The following ALK variants were observed in gnomAD, a reference collection of about 807,000 sequenced individuals.
The protein encoded by ALK is ALK tyrosine kinase receptor.
A neutral mutation model predicts 163.1 loss-of-function variants in ALK; 74 were observed. The ratio of observed to expected loss-of-function variants is 0.45; its 90% confidence interval spans 0.38 to 0.55. The LOEUF (loss-of-function observed/expected upper bound fraction) is 0.55, where lower values mean the gene tolerates loss of function less well. Ranked by LOEUF, ALK falls within the 20% of genes least tolerant of loss-of-function variation. The probability of loss-of-function intolerance (pLI) is 0.00; values close to 1 mark genes in which losing one functional copy is unlikely to be tolerated. For synonymous variants in ALK, 960 were observed against 843.2 expected (o/e 1.14, Z -2.40); for missense variants, 2,063 against 2,105.3 (o/e 0.98, Z 0.39).
At chr2:29,277,192 G>T (rs1393531191) in intron 9 of ALK, among the ~76,000 whole-genome samples, 2 of 152,180 alleles carry the variant, frequency 1.3e-5, no homozygotes, top group African/African-American at 4.8e-5. Context: ...CAGAGGAAGA[G>T]ATATGGAAAG....
chr2:29,824,806 T>C (rs545302358), intron 1 of ALK, among the ~76,000 whole-genome samples: 6 of 152,290 alleles, frequency 3.9e-5, no homozygotes, highest in Admixed American at 1.3e-4. Context: ...CTGTGGACTT[T>C]TGAGTTAATG....
chr2:29,205,548 G>T (rs1376976179), intron 26 of ALK, among the ~76,000 whole-genome samples: 1 of 152,212 alleles, frequency 6.6e-6, no homozygotes, highest in Admixed American at 6.5e-5. Context: ...CAGCAGGGCT[G>T]TGTCCCTTCT....
In ALK at chr2:29,246,887, C is replaced by T. The variant is rs1252181379; in HGVS notation, c.2204+4218G>A. ...TGCTTTCACCAGGGGGAGCGAGAGGCCTTTTGGGGGGTAACACTGCAGCCC... is the reference window on the plus strand; with the variant it reads ...TGCTTTCACCAGGGGGAGCGAGAGGTCTTTTGGGGGGTAACACTGCAGCCC... On this transcript the variant is annotated intron_variant, in intron 12 of 28. Coordinates refer to ENST00000389048, the MANE Select transcript of ALK (RefSeq NM_004304.5). The surrounding 1 kb of genome is among the most constrained non-coding windows in gnomAD (Gnocchi z 4.3). Among the ~76,000 whole-genome samples the T allele has an allele frequency of 6.6e-6, 1 of 152,204 alleles. No individual in the cohort carries two copies. Among genetic ancestry groups the T allele is most frequent in the Non-Finnish European group, 1.5e-5 (1 of 68,038 alleles).
chr2:29,544,434 A>T (rs1422211342), intron 3 of ALK, among the ~76,000 whole-genome samples: 1 of 152,146 alleles, frequency 6.6e-6, no homozygotes, highest in East Asian at 1.9e-4. Context: ...TATAAAATGA[A>T]ACATTTCCCA....
rs145509285 is a variant in ALK at position 29,473,142 on chromosome 2, G to A, written c.1154+58773C>T. On this transcript the variant is annotated intron_variant, in intron 4 of 28. Coordinates refer to ENST00000389048, the MANE Select transcript of ALK (RefSeq NM_004304.5). Reference sequence around the variant, plus strand: ...ATAAAGCTCCTGTATTTAAAACAGTGTGGTACTTGTGCAAATATAGACAAA... The same window carrying A: ...ATAAAGCTCCTGTATTTAAAACAGTATGGTACTTGTGCAAATATAGACAAA... 1.7e-3 allele frequency among the ~76,000 whole-genome samples: 257 copies of A among 152,324 alleles called. 1 individual carries two copies. The highest frequency in any genetic ancestry group is 1.7e-3 in the East Asian group (9 of 5,188).
chr2:29,414,115 C>T (rs962750187), intron 4 of ALK, among the ~76,000 whole-genome samples: 8 of 152,162 alleles, frequency 5.3e-5, no homozygotes, highest in Non-Finnish European at 8.8e-5. Context: ...ATGGCTACAA[C>T]GGCACTAGGT....
chr2:29,794,834 C>T (rs944019079), intron 1 of ALK, among the ~76,000 whole-genome samples: 2 of 151,982 alleles, frequency 1.3e-5, no homozygotes, highest in Non-Finnish European at 1.5e-5. Context: ...GATATATTAA[C>T]GATGTTTGAG....
At chr2:29,820,365 A>G (rs1665014775) in intron 1 of ALK, among the ~76,000 whole-genome samples, 1 of 152,122 alleles carries the variant, frequency 6.6e-6, no homozygotes, top group South Asian at 2.1e-4. Context: ...GCCTTGACCA[A>G]CAGCTTGACT....
At chr2:29,633,965 T>A (rs1202725855) in intron 3 of ALK, among the ~76,000 whole-genome samples, 1 of 152,190 alleles carries the variant, frequency 6.6e-6, no homozygotes, top group Non-Finnish European at 1.5e-5. Flanking sequence ...ATGGCTTTAT[T>A]GAAAAATTCC....
At chr2:29,242,701 C>T (rs1189410623) in intron 12 of ALK, among the ~76,000 whole-genome samples, 1 of 152,162 alleles carries the variant, frequency 6.6e-6, no homozygotes, top group African/African-American at 2.4e-5. Flanking sequence ...ACGTCCACTA[C>T]TGAGGAAGAA....
chr2:29,472,996 T>G (rs1020627681), intron 4 of ALK, among the ~76,000 whole-genome samples: 48 of 152,256 alleles, frequency 3.2e-4, no homozygotes, highest in Admixed American at 2.9e-3. Flanking sequence ...GTATTTGTAC[T>G]GTGTGACAAT....
At chr2:29,632,776 A>G (rs911430043) in intron 3 of ALK, among the ~76,000 whole-genome samples, 1 of 152,342 alleles carries the variant, frequency 6.6e-6, no homozygotes, top group Non-Finnish European at 1.5e-5. Context: ...TCATGGTGGA[A>G]GGCAAGGAGG....
intron 3 of ALK, among the ~76,000 whole-genome samples, chr2:29,586,759 A>G (rs1452234461): frequency 1.3e-5 from 2 of 152,206 alleles, no homozygotes; most frequent in East Asian, 1.9e-4. Context: ...AAATATATAA[A>G]ACACTTTCAA....
At chr2:29,689,133 G>C (rs1305246936) in intron 3 of ALK, among the ~76,000 whole-genome samples, 1 of 148,572 alleles carries the variant, frequency 6.7e-6, no homozygotes, top group Non-Finnish European at 1.5e-5. Flanking sequence ...TACACATGTA[G>C]GTGTCAGAGG....
At chr2:29,197,723 CCACATTCACACACACA>C in intron 26 of ALK, 47 bp from the exon 27 acceptor site, 1 of 1,472,258 alleles carries the variant, frequency 6.8e-7, no homozygotes. Flanking sequence ...ACACACCCAC[CCACATTCACACACACA>C]CACAGGCACA....
chr2:29,395,465 G>A (rs540936229), intron 4 of ALK, among the ~76,000 whole-genome samples: 1 of 152,304 alleles, frequency 6.6e-6, no homozygotes. Context: ...CACTGGGGTG[G>A]TCATGGTTGG....
chr2:29,835,846 T>C (rs1205649912), intron 1 of ALK, among the ~76,000 whole-genome samples: 1 of 152,236 alleles, frequency 6.6e-6, no homozygotes, highest in Non-Finnish European at 1.5e-5. Context: ...CCTTCCGCCA[T>C]GATTGTGAGG....
intron 1 of ALK, among the ~76,000 whole-genome samples, chr2:29,783,899 G>A (rs998768960): frequency 3.3e-5 from 5 of 152,158 alleles, no homozygotes; most frequent in African/African-American, 1.2e-4. Flanking sequence ...TCCACCAAGT[G>A]GCAGTCGTGT....
intron 1 of ALK, among the ~76,000 whole-genome samples, chr2:29,880,691 T>G (rs981539770): frequency 6.6e-6 from 1 of 152,210 alleles, no homozygotes; most frequent in African/African-American, 2.4e-5. Flanking sequence ...ATCTATGTGC[T>G]TGGTTATGGG....
Sources: allele counts gnomAD v4.1 joint callset (sites outside exome capture counted in the v4.1 genomes callset), GRCh38; gene constraint gnomAD v4.1.1; non-coding constraint Gnocchi (gnomAD v3.1); transcripts MANE v1.5; gene names NCBI Gene and HGNC (gene_info 2026-07-23, HGNC 2026-07-21).